ICA1L: variants seen among roughly 807,000 people sequenced by gnomAD.
The protein encoded by ICA1L is islet cell autoantigen 1 like, also known as islet cell autoantigen 1-like protein.
Under a neutral mutation model 61.3 loss-of-function variants are expected in ICA1L, and 50 were observed. The ratio of observed to expected loss-of-function variants is 0.82; its 90% CI spans 0.65 to 1.03. ICA1L has a LOEUF of 1.03. ICA1L is among the 50% of genes least tolerant of loss of function. ICA1L has a pLI of 0.00. For synonymous variants in ICA1L, 161 were observed against 191.3 expected, an observed-to-expected ratio of 0.84 and a Z score of 1.31; for missense variants, 508 against 556.7, an observed-to-expected ratio of 0.91 and a Z score of 0.88.
At chr2:202,870,741 A>ATT (rs2105896772) in intron 1 of ICA1L, 1 of 152,328 alleles carries the variant, frequency 6.6e-6, no homozygotes, top group Admixed American at 6.5e-5. Flanking sequence ...CCAACAATCT[A>ATT]TTTTACAGAG....
intron 3 of ICA1L, among the ~76,000 whole-genome samples, chr2:202,823,197 C>A (rs892964406): frequency 2.6e-5 from 4 of 152,084 alleles, no homozygotes; most frequent in African/African-American, 9.7e-5. Flanking sequence ...TTGAGACCTG[C>A]CTGCCAAAAT....
intron 1 of ICA1L, among the ~76,000 whole-genome samples, chr2:202,848,699 G>A (rs1265520276): frequency 6.6e-6 from 1 of 152,140 alleles, no homozygotes; most frequent in Non-Finnish European, 1.5e-5. Flanking sequence ...ATTGTAATAA[G>A]ACAATGTCTA....
At position 202,773,978 on chromosome 2, in the gene ICA1L, A is replaced by ATATG; in HGVS notation, c.*5551_*5554dup. 1 of 953,612 alleles carries ATATG rather than the reference A, an allele frequency of 1.0e-6. No individual in the cohort carries two copies. The highest frequency in any genetic ancestry group is 1.6e-6 in the Non-Finnish European group (1 of 625,152). The allele number at this position is 953,612 out of a possible 1,614,324, so 59.1% of individuals were successfully genotyped here. A position where few individuals can be genotyped will look rare whatever the true frequency, so the allele number is the denominator to read the frequency against. On this transcript the variant is annotated 3_prime_UTR_variant, in exon 13 of 13. Transcript: ENST00000358299. Reference sequence around the variant, plus strand: ...TACTTGCCACTGTGTTTTAAAAGGTATATGGTACTAAGAAGAGTTGGCTGT... The same window carrying ATATG: ...TACTTGCCACTGTGTTTTAAAAGGTATATGTATGGTACTAAGAAGAGTTGGCTGT...
chr2:202,836,816 G>GATATAGATATAGATAT lies in ICA1L; in HGVS notation c.-7-7801_-7-7800insATATCTATATCTATAT, dbSNP rs1559143105. ...ATATCTATATATATAGATATATATAGATATATAGATATAGATACAGATATA... is the reference window on the plus strand; with the variant it reads ...ATATCTATATATATAGATATATATAGATATAGATATAGATATATATATAGATATAGATACAGATATA... On this transcript the variant is annotated intron_variant, in intron 1 of 12. Transcript: ENST00000358299. Among the ~76,000 whole-genome samples the GATATAGATATAGATAT allele has an allele frequency of 2.1e-5, 3 of 144,194 alleles. No individual in the cohort carries two copies. The East Asian group carries it at 5.8e-4, about 28-fold the overall frequency. The allele number at this position is 144,194 out of a possible 152,430, so 94.6% of individuals were successfully genotyped here. A position where few individuals can be genotyped will look rare whatever the true frequency, so the allele number is the denominator to read the frequency against.
intron 9 of ICA1L, among the ~76,000 whole-genome samples, chr2:202,807,701 C>A (rs1285860911): frequency 6.6e-6 from 1 of 152,016 alleles, no homozygotes; most frequent in African/African-American, 2.4e-5. Flanking sequence ...CTTACAGCTC[C>A]AGGAGAAACT....
intron 12 of ICA1L, among the ~76,000 whole-genome samples, chr2:202,783,002 G>A (rs1692459897): frequency 1.3e-5 from 2 of 152,076 alleles, no homozygotes; most frequent in African/African-American, 4.8e-5. Flanking sequence ...GGAATTGAGG[G>A]TTTCCCCTAC....
rs531882404 is a variant in ICA1L, at chr2:202,829,106, T to C, written c.-7-90A>G. On this transcript the variant is annotated intron_variant, in intron 1 of 12. Transcript: ENST00000358299. ...GCTCACGCCTGTAATTCCACAACTT[T>C]GGGAGGCTGAGGCGAGCGGATCACG... is the stretch of plus-strand genomic sequence containing the variant. The C allele has an allele frequency of 9.8e-5, 108 of 1,100,044 alleles. No homozygotes were observed. In the African/African-American group the frequency reaches 1.6e-3, roughly 17 times the overall value. The allele number at this position is 1,100,044 out of a possible 1,614,324, so 68.1% of individuals were successfully genotyped here.
At chr2:202,818,075 G>A (rs1693589331) in intron 5 of ICA1L, among the ~76,000 whole-genome samples, 1 of 152,124 alleles carries the variant, frequency 6.6e-6, no homozygotes, top group African/African-American at 2.4e-5. Flanking sequence ...TTATATGCAA[G>A]GCATTGTTCT....
intron 1 of ICA1L, among the ~76,000 whole-genome samples, chr2:202,856,519 A>T (rs1474778615): frequency 6.6e-6 from 1 of 152,228 alleles, no homozygotes; most frequent in Non-Finnish European, 1.5e-5. Flanking sequence ...CCCATAGCCA[A>T]TATCATACTA....
intron 5 of ICA1L, 117 bp from the exon 6 acceptor site, chr2:202,817,660 A>G (rs1177233599): frequency 2.0e-6 from 1 of 495,638 alleles, no homozygotes; most frequent in East Asian, 3.6e-5. Context: ...AAATTATAAT[A>G]AAGACTAATT....
At chr2:202,830,617 G>T (rs567601228) in intron 1 of ICA1L, among the ~76,000 whole-genome samples, 1 of 152,152 alleles carries the variant, frequency 6.6e-6, no homozygotes, top group Non-Finnish European at 1.5e-5. Flanking sequence ...TGACTCATTC[G>T]TTATTTCCAG....
In ICA1L at chr2:202,854,112, C is replaced by A. The variant is rs577807987; in HGVS notation, c.-8+17507G>T. 3.9e-5 allele frequency among the ~76,000 whole-genome samples: 6 copies of A among 151,906 alleles called. No individual in the cohort carries two copies. In the South Asian group the frequency reaches 1.2e-3, roughly 32 times the overall value. On this transcript the variant is annotated intron_variant, in intron 1 of 12. Transcript: ENST00000358299. ...CACAGACTGGCAAATTGGATAGAGT[C>A]AAGACCCATCAGTGTGCTGTATTCA... is the stretch of plus-strand genomic sequence containing the variant.
In ICA1L at chr2:202,773,778, A is replaced by T; in HGVS notation, c.*5755T>A. The T allele has an allele frequency of 2.2e-6, 3 of 1,379,792 alleles. No homozygotes were observed. The highest frequency in any genetic ancestry group is 3.1e-6 in the Non-Finnish European group (3 of 969,596). The allele number at this position is 1,379,792 out of a possible 1,614,324, so 85.5% of individuals were successfully genotyped here. A position where few individuals can be genotyped will look rare whatever the true frequency, so the allele number is the denominator to read the frequency against. ...GGTCCAAAGGTGGAAGAATACATAC[A>T]CCGGTATGGTAATAGGCAAGAGCAG... On this transcript the variant is annotated 3_prime_UTR_variant, in exon 13 of 13. Transcript: ENST00000358299.
At chr2:202,859,851 A>AT (rs1366059150) in intron 1 of ICA1L, among the ~76,000 whole-genome samples, 1 of 152,158 alleles carries the variant, frequency 6.6e-6, no homozygotes, top group Non-Finnish European at 1.5e-5. Flanking sequence ...ATTTTCACAC[A>AT]TTTTATCTCC....
intron 2 of ICA1L, among the ~76,000 whole-genome samples, chr2:202,827,380 G>A (rs1431693049): frequency 2.6e-5 from 4 of 151,492 alleles, no homozygotes; most frequent in African/African-American, 9.7e-5. Flanking sequence ...GCAACAGAGT[G>A]AGACTCCATC....
chr2:202,798,968 G>A (rs895488032), intron 9 of ICA1L, among the ~76,000 whole-genome samples: 2 of 152,012 alleles, frequency 1.3e-5, no homozygotes, highest in African/African-American at 4.8e-5. Context: ...TCTTTTTATG[G>A]CTGAATGGTA....
At position 202,854,362 on chromosome 2, in the gene ICA1L, C is replaced by A. The variant is rs529251051; in HGVS notation, c.-8+17257G>T. On this transcript the variant is annotated intron_variant, in intron 1 of 12. Transcript: ENST00000358299. ...GCTAACTATCCTAAATATATATGCA[C>A]CCAATACAGGAGCACCCAGATTCAT... 7.9e-5 allele frequency among the ~76,000 whole-genome samples: 12 copies of A among 152,226 alleles called. No homozygotes were observed. The South Asian group carries it at 2.5e-3, about 32-fold the overall frequency.
intron 9 of ICA1L, among the ~76,000 whole-genome samples, chr2:202,798,489 C>G (rs1216499849): frequency 6.6e-6 from 1 of 152,198 alleles, no homozygotes; most frequent in African/African-American, 2.4e-5. Flanking sequence ...AATCCTCCCA[C>G]CTTGGCCTCC....
chr2:202,809,650 C>CAA lies in ICA1L; in HGVS notation c.910+2094_910+2095dup, dbSNP rs546883999. Among the ~76,000 whole-genome samples the CAA allele has an allele frequency of 1.1e-3, 154 of 139,908 alleles. 1 individual carries two copies. Among genetic ancestry groups the CAA allele is most frequent in the Admixed American group, 6.2e-3 (86 of 13,952 alleles). 91.8% of individuals were successfully genotyped at this position (139,908 alleles called of 152,430 possible). A position where few individuals can be genotyped will look rare whatever the true frequency, so the allele number is the denominator to read the frequency against. ...GGGCAACAAGAGTGAAACTCCATCT[C>CAA]AAAAAAAAAAAAATTAGCTGGGCGT... On this transcript the variant is annotated intron_variant, in intron 9 of 12. Transcript: ENST00000358299.
Sources: allele counts gnomAD v4.1 joint callset (sites outside exome capture counted in the v4.1 genomes callset), GRCh38; gene constraint gnomAD v4.1.1; transcripts MANE v1.5; gene names NCBI Gene and HGNC (gene_info 2026-07-23, HGNC 2026-07-21).